Variants in RUNDC3B observed in about 807,000 individuals in gnomAD.
RUNDC3B encodes the protein RUN domain-containing protein 3B.
In RUNDC3B, 33 loss-of-function variants were observed where a neutral mutation model predicts 58.4. The ratio of observed to expected loss-of-function variants is 0.56; its 90% CI spans 0.43 to 0.75. The LOEUF (loss-of-function observed/expected upper bound fraction) is 0.75, where lower values mean the gene tolerates loss of function less well. Among genes scored for constraint, RUNDC3B ranks in the 30% least tolerant of loss-of-function variants. The probability of loss-of-function intolerance (pLI) is 0.00; values close to 1 mark genes in which losing one functional copy is unlikely to be tolerated. For missense variants in RUNDC3B, 501 were observed against 535.7 expected, an observed-to-expected ratio of 0.94 and a Z score of 0.64; for synonymous variants, 193 against 195.2, an observed-to-expected ratio of 0.99 and a Z score of 0.10.
At chr7:87,821,886 T>C (rs371559848) in intron 10 of RUNDC3B, among the ~76,000 whole-genome samples, 1,620 of 152,186 alleles carry the variant, frequency 0.011, 14 homozygotes, top group Non-Finnish European at 0.018. Flanking sequence ...ATACAAAAAT[T>C]AATTCAAGAT....
chr7:87,829,262 T>C (rs188918709), intron 10 of RUNDC3B, among the ~76,000 whole-genome samples: 175 of 152,314 alleles, frequency 1.1e-3, no homozygotes, highest in Admixed American at 2.4e-3. Context: ...ATTCTGGAGG[T>C]TGTCTGTTTA....
At chr7:87,818,048 CT>C (rs1339289479) in intron 10 of RUNDC3B, among the ~76,000 whole-genome samples, 2 of 151,906 alleles carry the variant, frequency 1.3e-5, no homozygotes, top group Non-Finnish European at 2.9e-5. Context: ...TATTTTAGTA[CT>C]TTTTTTATAA....
chr7:87,761,282 C>G (rs1329799647), intron 6 of RUNDC3B, among the ~76,000 whole-genome samples: 4 of 151,792 alleles, frequency 2.6e-5, no homozygotes. Context: ...TAAGACACCA[C>G]TTTATACTCA....
rs549922223 is a variant in RUNDC3B, at chr7:87,707,338, A to G, written c.373-3232A>G. On this transcript the variant is annotated intron_variant, in intron 3 of 10. Coordinates refer to ENST00000394654, the MANE Select transcript of RUNDC3B (RefSeq NM_001134405.2). ...CAAGAAAATGGAAATAAATATGAAT[A>G]TTACTAGACAACTGAAATACATAAA... Among the ~76,000 whole-genome samples the G allele has an allele frequency of 5.3e-5, 8 of 152,276 alleles. 1 individual carries two copies. The South Asian group carries it at 1.7e-3, about 32-fold the overall frequency.
At chr7:87,636,199 T>G (rs1377937425) in intron 1 of RUNDC3B, among the ~76,000 whole-genome samples, 1 of 152,182 alleles carries the variant, frequency 6.6e-6, no homozygotes, top group African/African-American at 2.4e-5. Flanking sequence ...TAGTGAGCAT[T>G]GTGTGTAGGA....
rs1035878638 is a variant in RUNDC3B at position 87,731,610 on chromosome 7, A to G, written c.459-8181A>G. Reference sequence around the variant, plus strand: ...GCCAATGGAACCAAACATAGAAAAAAAGTTGTCTGTATTTATATCGGACAA... The same window carrying G: ...GCCAATGGAACCAAACATAGAAAAAGAGTTGTCTGTATTTATATCGGACAA... On this transcript the variant is annotated intron_variant, in intron 4 of 10. Transcript: ENST00000394654. Among the ~76,000 whole-genome samples the G allele has an allele frequency of 3.9e-5, 6 of 152,230 alleles. 1 individual carries two copies. The highest frequency in any genetic ancestry group is 4.1e-4 in the South Asian group (2 of 4,832).
intron 4 of RUNDC3B, among the ~76,000 whole-genome samples, chr7:87,722,853 T>C (rs1185578194): frequency 1.3e-5 from 2 of 152,200 alleles, no homozygotes; most frequent in Non-Finnish European, 2.9e-5. Context: ...CTTCACAGTG[T>C]GTTCCACTGG....
chr7:87,807,597 A>C, intron 9 of RUNDC3B, 78 bp downstream of exon 9: 1 of 1,053,530 alleles, frequency 9.5e-7, no homozygotes, highest in Non-Finnish European at 1.5e-6. Context: ...TTGGTTTCTC[A>C]GTTATTCTTT....
chr7:87,672,413 A>T (rs1825916022), intron 2 of RUNDC3B, among the ~76,000 whole-genome samples: 1 of 152,092 alleles, frequency 6.6e-6, no homozygotes, highest in Non-Finnish European at 1.5e-5. Context: ...CTCCCTAGGG[A>T]GGTGCAGTGC....
rs190013665 is a variant in RUNDC3B, at chr7:87,648,279, G to C, written c.123-2543G>C. Among the ~76,000 whole-genome samples the C allele has an allele frequency of 1.7e-3, 265 of 151,842 alleles. 2 individuals are homozygous for C. The highest frequency in any genetic ancestry group is 1.6e-3 in the Non-Finnish European group (112 of 67,922). The stretch of plus-strand genomic sequence containing the variant: ...AAAGGGAGTTACAGAAGAAATCATT[G>C]ATCATGGGAATGTGCACATTTCTCC... On this transcript the variant is annotated intron_variant, in intron 1 of 10. Transcript: ENST00000394654.
At chr7:87,776,753 A>C (rs1388003098) in intron 7 of RUNDC3B, among the ~76,000 whole-genome samples, 1 of 152,032 alleles carries the variant, frequency 6.6e-6, no homozygotes, top group Non-Finnish European at 1.5e-5. Flanking sequence ...CAAACATTTG[A>C]GAATTATCAG....
intron 8 of RUNDC3B, 24 bp downstream of exon 8, chr7:87,777,979 A>G (rs1455225278): frequency 1.9e-6 from 3 of 1,591,612 alleles, no homozygotes; most frequent in African/African-American, 2.7e-5. Flanking sequence ...TTTTAGAAAA[A>G]TGTTGGTAGC....
chr7:87,732,593 CA>C (rs1045023173), intron 4 of RUNDC3B, among the ~76,000 whole-genome samples: 76 of 152,158 alleles, frequency 5.0e-4, no homozygotes, highest in African/African-American at 1.7e-3. Flanking sequence ...GGCAGATCAG[CA>C]GATTGAGAAA....
intron 3 of RUNDC3B, among the ~76,000 whole-genome samples, chr7:87,703,821 T>C (rs977344615): frequency 7.1e-6 from 1 of 140,576 alleles, no homozygotes; most frequent in Non-Finnish European, 1.6e-5. Context: ...TTTTGAACTA[T>C]AGATTTTTAA....
intron 6 of RUNDC3B, among the ~76,000 whole-genome samples, chr7:87,752,407 A>G (rs1487680114): frequency 1.3e-5 from 2 of 152,016 alleles, no homozygotes; most frequent in Non-Finnish European, 2.9e-5. Context: ...GTTAGGGAGG[A>G]TTCCCTCTTT....
chr7:87,659,463 CCTTT>C (rs1824470616), intron 2 of RUNDC3B, among the ~76,000 whole-genome samples: 1 of 151,990 alleles, frequency 6.6e-6, no homozygotes, highest in African/African-American at 2.4e-5. Context: ...AAAAATCTTA[CCTTT>C]CTTTATGTCC....
rs147639167 is a variant in RUNDC3B, at chr7:87,738,169, G to A, written c.459-1622G>A. On this transcript the variant is annotated intron_variant, in intron 4 of 10. Transcript: ENST00000394654. ...ACAAGATTCTTTTCCAAATTCATAT[G>A]TCTCATAGAATTTAGTGGTCTGAAA... is the stretch of plus-strand genomic sequence containing the variant. Among the ~76,000 whole-genome samples the A allele has an allele frequency of 2.4e-4, 36 of 152,144 alleles. No homozygotes were observed. The East Asian group carries it at 6.9e-3, about 29-fold the overall frequency.
intron 2 of RUNDC3B, among the ~76,000 whole-genome samples, chr7:87,697,026 C>T (rs1828550866): frequency 6.6e-6 from 1 of 152,136 alleles, no homozygotes; most frequent in African/African-American, 2.4e-5. Context: ...TACTTTGAAA[C>T]ATCCTACAAG....
At chr7:87,813,284 C>A (rs1317946148) in intron 9 of RUNDC3B, among the ~76,000 whole-genome samples, 6 of 152,118 alleles carry the variant, frequency 3.9e-5, no homozygotes, top group African/African-American at 1.4e-4. Context: ...CTAAAAAGAA[C>A]CTCAGTAGGT....
Sources: allele counts gnomAD v4.1 joint callset (sites outside exome capture counted in the v4.1 genomes callset), GRCh38; gene constraint gnomAD v4.1.1; transcripts MANE v1.5; gene names NCBI Gene and HGNC (gene_info 2026-07-23, HGNC 2026-07-21).